The following RNF138 variants were observed in gnomAD, a reference collection of about 807,000 sequenced individuals.
RNF138 encodes the protein E3 ubiquitin-protein ligase RNF138.
Under a neutral mutation model 31.0 loss-of-function variants are expected in RNF138, and 12 were observed. The ratio of observed to expected loss-of-function variants is 0.39; its 90% CI spans 0.25 to 0.63. RNF138 has a LOEUF of 0.63. RNF138 is among the 20% of genes least tolerant of loss of function. RNF138 has a pLI of 0.52. For synonymous variants in RNF138, 105 were observed against 99.5 expected (o/e 1.06, Z -0.33); for missense variants, 192 against 300.1 (o/e 0.64, Z 2.66).
At position 32,129,450 on chromosome 18, in the gene RNF138, T is replaced by TTATC. The variant is rs1199331461; in HGVS notation, c.*265_*268dup. 9.4e-6 allele frequency: 3 copies of TTATC among 318,708 alleles called. No individual in the cohort carries two copies. Among genetic ancestry groups the TTATC allele is most frequent in the Admixed American group, 4.6e-5 (1 of 21,762 alleles). 19.7% of individuals were successfully genotyped at this position (318,708 alleles called of 1,614,324 possible). ...GGTGAAAGAGAATCCCTGTTGTACT[T>TTATC]TATCTTTTTGTAATATTATTTTTGA... On this transcript the variant is annotated 3_prime_UTR_variant, in exon 8 of 8. Transcript: ENST00000261593.
chr18:32,101,549 G>A (rs1484743290), intron 2 of RNF138, among the ~76,000 whole-genome samples: 2 of 151,914 alleles, frequency 1.3e-5, no homozygotes, highest in Non-Finnish European at 2.9e-5. Context: ...TAAAATGAAG[G>A]AACTTATTAA....
At chr18:32,105,752 A>G (rs952925338) in intron 2 of RNF138, among the ~76,000 whole-genome samples, 2 of 152,238 alleles carry the variant, frequency 1.3e-5, no homozygotes, top group Admixed American at 6.5e-5. Context: ...AAAAATTTCC[A>G]TATCGGAAGA....
At chr18:32,104,013 C>CT (rs745696010) in intron 2 of RNF138, among the ~76,000 whole-genome samples, 2,967 of 130,782 alleles carry the variant, frequency 0.023, 85 homozygotes, top group African/African-American at 0.07. Flanking sequence ...GGCTAAAAAA[C>CT]TTTTTTTTTT....
chr18:32,123,448 T>A, intron 4 of RNF138, 70 bp from the exon 5 acceptor site: 1 of 972,006 alleles, frequency 1.0e-6, no homozygotes, highest in South Asian at 1.7e-5. Flanking sequence ...CATTAATGGT[T>A]CAAGATAATG....
intron 2 of RNF138, among the ~76,000 whole-genome samples, chr18:32,105,795 A>G (rs1367011617): frequency 1.3e-5 from 2 of 152,220 alleles, no homozygotes; most frequent in African/African-American, 4.8e-5. Context: ...CAAATGATGG[A>G]CTGAATGTCG....
intron 4 of RNF138, among the ~76,000 whole-genome samples, chr18:32,117,661 TC>T (rs1337917541): frequency 6.6e-6 from 1 of 152,220 alleles, no homozygotes; most frequent in Non-Finnish European, 1.5e-5. Flanking sequence ...AGCTATAACT[TC>T]CAGTTGAGCC....
Position 32,113,766 on chromosome 18 carries a change from C to T in RNF138, c.298C>T (p.His100Tyr). The T allele has an allele frequency of 6.8e-7, 1 of 1,473,924 alleles. No individual in the cohort carries two copies. Among genetic ancestry groups the T allele is most frequent in the Non-Finnish European group, 9.2e-7 (1 of 1,090,594 alleles). The allele number at this position is 1,473,924 out of a possible 1,614,324, so 91.3% of individuals were successfully genotyped here. A position where few individuals can be genotyped will look rare whatever the true frequency, so the allele number is the denominator to read the frequency against. ...AKQIKFYRMR[H>Y]HYKSCKKYQD... is the part of the protein sequence containing the mutation. The stretch of plus-strand genomic sequence containing the variant: ...ACAGATTAAATTCTATCGCATGAGA[C>T]ATCATTACAAATCTTGTAAGAAGTA... Residue 100 changes from histidine (H) to tyrosine (Y), a missense_variant, in exon 4 of 8, where the codon CAT becomes TAT. Around this residue, in one of 2 missense-constraint regions of RNF138, gnomAD observed 140 missense variants for 251.7 expected, o/e 0.56. Transcript: ENST00000261593.
At chr18:32,127,694 A>T (rs2040404831) in intron 7 of RNF138, among the ~76,000 whole-genome samples, 2 of 152,242 alleles carry the variant, frequency 1.3e-5, no homozygotes, top group African/African-American at 4.8e-5. Context: ...TTCTCATTGT[A>T]AGAAAGATTG....
At chr18:32,106,944 T>C (rs1390379257) in intron 2 of RNF138, among the ~76,000 whole-genome samples, 1 of 152,062 alleles carries the variant, frequency 6.6e-6, no homozygotes, top group African/African-American at 2.4e-5. Flanking sequence ...CCTTCACTTG[T>C]CTCTATTCTG....
chr18:32,127,056 G>A (rs1178257325), intron 7 of RNF138, among the ~76,000 whole-genome samples: 1 of 152,128 alleles, frequency 6.6e-6, no homozygotes, highest in East Asian at 1.9e-4. Context: ...TTAACAAAAT[G>A]ATGATTTACA....
At chr18:32,093,105 G>GCTCCCGCTCTCCCGCT (rs71177843) in intron 2 of RNF138, among the ~76,000 whole-genome samples, 2,778 of 149,548 alleles carry the variant, frequency 0.019, 99 homozygotes, top group African/African-American at 0.06. Flanking sequence ...CTCAGCCCAA[G>GCTCCCGCTCTCCCGCT]CTCCCGCTCT....
Position 32,129,101 on chromosome 18 carries a change from G to T in RNF138, c.670-18G>T, listed in dbSNP as rs538272154. On this transcript the variant is annotated intron_variant, in intron 7 of 7. Coordinates refer to ENST00000261593, the MANE Select transcript of RNF138 (RefSeq NM_016271.5). ...TTGAATATGTTTTTCCTGTTGACATGAATGTTATTGTTTTTAGAATCTTCA... is the reference window on the plus strand; with the variant it reads ...TTGAATATGTTTTTCCTGTTGACATTAATGTTATTGTTTTTAGAATCTTCA... 2 of 1,574,126 alleles carry T rather than the reference G, an allele frequency of 1.3e-6. No individual in the cohort carries two copies. Among genetic ancestry groups the T allele is most frequent in the Non-Finnish European group, 1.7e-6 (2 of 1,144,306 alleles).
At chr18:32,109,472 CTG>C (rs2040091763) in intron 2 of RNF138, 1 of 152,216 alleles carries the variant, frequency 6.6e-6, no homozygotes, top group Non-Finnish European at 1.5e-5. Flanking sequence ...CAGGGTCATG[CTG>C]TGTTACCCAG....
intron 2 of RNF138, among the ~76,000 whole-genome samples, chr18:32,104,291 G>A (rs1176616960): frequency 3.9e-5 from 6 of 151,934 alleles, no homozygotes; most frequent in Non-Finnish European, 5.9e-5. Flanking sequence ...GAGATTACAT[G>A]CATAAGCCAC....
At position 32,130,857 on chromosome 18, in the gene RNF138, T is replaced by C. The variant is rs967732326; in HGVS notation, c.*1670T>C. On this transcript the variant is annotated 3_prime_UTR_variant, in exon 8 of 8. Transcript: ENST00000261593. ...ATTTTAAAGAGTGGTGTTTACTATG[T>C]GTGTGCTTGAGCATTTTCTTTCAGT... is the stretch of plus-strand genomic sequence containing the variant. The C allele has an allele frequency of 6.6e-6, 1 of 152,472 alleles. No individual in the cohort carries two copies. Among genetic ancestry groups the C allele is most frequent in the Non-Finnish European group, 1.5e-5 (1 of 67,890 alleles). 9.4% of individuals were successfully genotyped at this position (152,472 alleles called of 1,614,324 possible).
chr18:32,097,415 A>T (rs2039828809), intron 2 of RNF138, among the ~76,000 whole-genome samples: 1 of 152,228 alleles, frequency 6.6e-6, no homozygotes, highest in Admixed American at 6.5e-5. Context: ...CTATTTGACC[A>T]GCTTGAACAT....
intron 2 of RNF138, among the ~76,000 whole-genome samples, chr18:32,100,201 G>GATATATATATATAT (rs34225221): frequency 6.8e-6 from 1 of 146,562 alleles, no homozygotes; most frequent in African/African-American, 2.5e-5. Context: ...TAGTGATTGA[G>GATATATATATATAT]ATATATATAT....
intron 1 of RNF138, 182 bp from the exon 2 acceptor site, chr18:32,092,518 C>T (rs1327405111): frequency 2.6e-5 from 12 of 461,322 alleles, no homozygotes; most frequent in Non-Finnish European, 4.3e-5. Flanking sequence ...GCCCAGCCTC[C>T]CGCCAAGCAC....
At chr18:32,098,649 G>A (rs1052387098) in intron 2 of RNF138, among the ~76,000 whole-genome samples, 3 of 151,758 alleles carry the variant, frequency 2.0e-5, no homozygotes, top group African/African-American at 4.8e-5. Flanking sequence ...TCAGGAGATC[G>A]AGACCATCCT....
Sources: gnomAD v4.1 joint callset for allele counts (sites outside exome capture counted in the v4.1 genomes callset) on GRCh38, gnomAD v4.1.1 for gene constraint, gnomAD v4.1.1 regional missense constraint, MANE v1.5 for transcripts, NCBI Gene and HGNC (gene_info 2026-07-23, HGNC 2026-07-21) for gene names.